Variants in WNK1 observed in about 807,000 individuals in gnomAD.
WNK1 encodes serine/threonine-protein kinase WNK1.
Under a neutral mutation model 222.8 loss-of-function variants are expected in WNK1, and 38 were observed. The ratio of observed to expected loss-of-function variants is 0.17; its 90% CI spans 0.13 to 0.22. The LOEUF (loss-of-function observed/expected upper bound fraction) is 0.22, where lower values mean the gene tolerates loss of function less well. Ranked by LOEUF, WNK1 falls within the 10% of genes least tolerant of loss-of-function variation. The probability of loss-of-function intolerance (pLI) is 1.00; values close to 1 mark genes in which losing one functional copy is unlikely to be tolerated. For missense variants in WNK1, 2,348 were observed against 2,918.4 expected, an observed-to-expected ratio of 0.80 and a Z score of 4.50; for synonymous variants, 1,090 against 1,092.9, an observed-to-expected ratio of 1.00 and a Z score of 0.05.
At chr12:852,766 G>C (rs542655600) in intron 4 of WNK1, among the ~76,000 whole-genome samples, 1 of 152,170 alleles carries the variant, frequency 6.6e-6, no homozygotes, top group Admixed American at 6.5e-5. Flanking sequence ...TCTTAAGAAC[G>C]AGAAACCTAT....
chr12:860,732 G>A (rs1951144795), intron 6 of WNK1, among the ~76,000 whole-genome samples: 1 of 152,152 alleles, frequency 6.6e-6, no homozygotes, highest in Non-Finnish European at 1.5e-5. Flanking sequence ...GGTTTTAGTT[G>A]CCCTATTGTT....
chr12:882,105 GTTAAAGGAA>G, intron 14 of WNK1, 32 bp downstream of exon 14: 3 of 1,579,690 alleles, frequency 1.9e-6, no homozygotes, highest in Non-Finnish European at 2.6e-6. Context: ...GTTTCATGTT[GTTAAAGGAA>G]TTTGACACTG....
intron 8 of WNK1, among the ~76,000 whole-genome samples, chr12:866,259 G>A (rs1300006497): frequency 6.6e-6 from 1 of 152,196 alleles, no homozygotes; most frequent in East Asian, 1.9e-4. Context: ...GTGAACAGTT[G>A]ATCTACTTTG....
At chr12:791,225 CCACACACACA>C (rs141810227) in intron 1 of WNK1, among the ~76,000 whole-genome samples, 14 of 145,270 alleles carry the variant, frequency 9.6e-5, no homozygotes, top group Admixed American at 2.1e-4. Flanking sequence ...ATTTCTCTCA[CCACACACACA>C]CACACACACA....
chr12:766,347 A>C (rs1379471713), intron 1 of WNK1, among the ~76,000 whole-genome samples: 1 of 152,228 alleles, frequency 6.6e-6, no homozygotes, highest in Admixed American at 6.5e-5. Flanking sequence ...AGTTCAGGGA[A>C]GGTTGGGTAC....
chr12:855,675 G>A (rs927726509), intron 4 of WNK1, among the ~76,000 whole-genome samples: 5 of 152,074 alleles, frequency 3.3e-5, no homozygotes, highest in African/African-American at 9.7e-5. Context: ...GACTTACAGT[G>A]CCACTTGAAC....
At chr12:906,582 C>T (rs781523592) in intron 26 of WNK1, 1 of 985,190 alleles carries the variant, frequency 1.0e-6, no homozygotes, top group Non-Finnish European at 1.2e-6. Context: ...GATTCAGGCA[C>T]ACCATACAGT....
chr12:808,897 C>T (rs766120396), intron 1 of WNK1, among the ~76,000 whole-genome samples: 21 of 151,556 alleles, frequency 1.4e-4, no homozygotes, highest in East Asian at 1.9e-4. Context: ...CCAAGTACCT[C>T]GGATTACAGG....
chr12:771,842 G>T (rs1203773613), intron 1 of WNK1, among the ~76,000 whole-genome samples: 1 of 152,112 alleles, frequency 6.6e-6, no homozygotes, highest in Non-Finnish European at 1.5e-5. Flanking sequence ...TTTAGACTGG[G>T]TTGCACACTG....
intron 8 of WNK1, among the ~76,000 whole-genome samples, chr12:866,431 C>T (rs1951674200): frequency 1.3e-5 from 2 of 152,278 alleles, no homozygotes; most frequent in South Asian, 2.1e-4. Flanking sequence ...GGCACGATCT[C>T]GACTCACGGC....
intron 22 of WNK1, 24 bp downstream of exon 22, chr12:890,537 T>C (rs764226650): frequency 6.2e-7 from 1 of 1,613,474 alleles, no homozygotes; most frequent in Non-Finnish European, 8.5e-7. Flanking sequence ...TTCCTCCTTT[T>C]ATATTACTAA....
intron 1 of WNK1, among the ~76,000 whole-genome samples, chr12:785,133 G>A (rs954392597): frequency 1.3e-5 from 2 of 152,192 alleles, no homozygotes; most frequent in Admixed American, 6.5e-5. Flanking sequence ...TCTGTTCCCT[G>A]TAACCTATTG....
chr12:810,069 G>A lies in WNK1; in HGVS notation c.760-3573G>A, dbSNP rs72648604. Among the ~76,000 whole-genome samples the A allele has an allele frequency of 1.9e-3, 294 of 152,208 alleles. 1 individual carries two copies. The highest frequency in any genetic ancestry group is 3.0e-3 in the Non-Finnish European group (204 of 68,000). On this transcript the variant is annotated intron_variant, in intron 1 of 27. Coordinates refer to ENST00000315939, the MANE Select transcript of WNK1 (RefSeq NM_018979.4). The stretch of plus-strand genomic sequence containing the variant: ...GTCCCAGACCAGCCTGACCAACATG[G>A]CGAAACCCTGTCTCTACTAAAAATA...
chr12:840,928 A>C (rs1015770926), intron 4 of WNK1, among the ~76,000 whole-genome samples: 1 of 152,226 alleles, frequency 6.6e-6, no homozygotes, highest in African/African-American at 2.4e-5. Context: ...TTATTTGCCA[A>C]ATGCAAACTC....
At position 879,777 on chromosome 12, in the gene WNK1, T is replaced by C; in HGVS notation, c.2578T>C (p.Ser860Pro). 1 of 1,614,092 alleles carries C rather than the reference T, an allele frequency of 6.2e-7. No homozygotes were observed. The highest frequency in any genetic ancestry group is 8.5e-7 in the Non-Finnish European group (1 of 1,180,014). ...GTCTACGGCTCAGACAGGTTTCTCA[T>C]CCCTTCCCATCACAATGGCAGCTGG... ...HVSTAQTGFS[S>P]LPITMAAGIT... Residue 860 changes from serine (S) to proline (P), a missense_variant, in exon 11 of 28, where the codon TCC (serine) becomes CCC (proline). Physicochemically the swap from Ser to Pro is moderately conservative, Grantham distance 74. Transcript: ENST00000315939.
At chr12:850,257 A>G (rs533041388) in intron 4 of WNK1, among the ~76,000 whole-genome samples, 1 of 152,268 alleles carries the variant, frequency 6.6e-6, no homozygotes, top group South Asian at 2.1e-4. Context: ...AATGATCGCC[A>G]TTCTAACTGG....
rs1949235886 is a variant in WNK1, at chr12:836,965, T to C, written c.1311+6805T>C. Among the ~76,000 whole-genome samples, 3 of 152,198 alleles carry C rather than the reference T, an allele frequency of 2.0e-5. 1 individual carries two copies. In the South Asian group the frequency reaches 6.2e-4, roughly 32 times the overall value. The stretch of plus-strand genomic sequence containing the variant: ...GTTTTTTTCTATCAGTGTTACTGAA[T>C]ATATTATATACCTACCCATCTAAAG... On this transcript the variant is annotated intron_variant, in intron 4 of 27. Transcript: ENST00000315939.
chr12:802,800 C>G (rs1946012472), intron 1 of WNK1, among the ~76,000 whole-genome samples: 1 of 152,058 alleles, frequency 6.6e-6, no homozygotes, highest in Non-Finnish European at 1.5e-5. Flanking sequence ...TGAAGATGGA[C>G]AGTAAATGAG....
chr12:775,529 GCAAGAC>G (rs1942988707), intron 1 of WNK1, among the ~76,000 whole-genome samples: 2 of 152,088 alleles, frequency 1.3e-5, no homozygotes, highest in African/African-American at 4.8e-5. Context: ...GAGCAACATA[GCAAGAC>G]CTCATCTCTG....
Sources: allele counts gnomAD v4.1 joint callset (sites outside exome capture counted in the v4.1 genomes callset), GRCh38; gene constraint gnomAD v4.1.1; transcripts MANE v1.5; gene names NCBI Gene and HGNC (gene_info 2026-07-23, HGNC 2026-07-21).